ZFHX3: variants seen among roughly 807,000 people sequenced by gnomAD.
The protein encoded by ZFHX3 is zinc finger homeobox protein 3.
In ZFHX3, 42 loss-of-function variants were observed where a neutral mutation model predicts 279.1. That is an observed-to-expected ratio of 0.15 (90% confidence interval 0.12 to 0.19). The LOEUF is 0.19. ZFHX3 is among the 10% of genes least tolerant of loss of function. The pLI, the probability that ZFHX3 is intolerant of heterozygous loss-of-function variation, is 1.00. For missense variants in ZFHX3, 4,981 were observed against 4,754.0 expected (o/e 1.05, Z -1.40); for synonymous variants, 2,293 against 1,957.8 (o/e 1.17, Z -4.52).
At chr16:73,339,414 G>A (rs1403886482) in intron 3 of ZFHX3, among the ~76,000 whole-genome samples, 1 of 152,192 alleles carries the variant, frequency 6.6e-6, no homozygotes, top group Non-Finnish European at 1.5e-5. Context: ...GCTCTACACA[G>A]AGGAGCTGCT....
chr16:73,874,769 ATAT>A, intron 1 of ZFHX3, among the ~76,000 whole-genome samples: 1 of 152,228 alleles, frequency 6.6e-6, no homozygotes, highest in East Asian at 1.9e-4. Flanking sequence ...AAAAATTCAC[ATAT>A]TATCCTGCCT....
intron 8 of ZFHX3, among the ~76,000 whole-genome samples, chr16:73,086,582 T>C (rs1230604447): frequency 6.6e-6 from 1 of 152,170 alleles, no homozygotes; most frequent in Non-Finnish European, 1.5e-5. Context: ...AAATGGACTA[T>C]CGTTAGCAAT....
chr16:73,699,236 G>A (rs1229301503), intron 1 of ZFHX3, among the ~76,000 whole-genome samples: 1 of 152,124 alleles, frequency 6.6e-6, no homozygotes, highest in Admixed American at 6.6e-5. Context: ...GATATCGAGA[G>A]GAAGCTGATA....
chr16:73,241,475 T>C (rs944590016), intron 5 of ZFHX3, among the ~76,000 whole-genome samples: 49 of 151,892 alleles, frequency 3.2e-4, no homozygotes, highest in African/African-American at 1.2e-3. Context: ...TGTAGTGAGA[T>C]TCAGAAACTA....
At chr16:73,835,767 G>A (rs188333650) in intron 1 of ZFHX3, among the ~76,000 whole-genome samples, 183 of 151,884 alleles carry the variant, frequency 1.2e-3, no homozygotes, top group Non-Finnish European at 2.0e-3. Flanking sequence ...CACCACGCCC[G>A]GCCTCCACTT....
At chr16:73,387,323 C>T (rs1012730588) in intron 3 of ZFHX3, 7 of 152,010 alleles carry the variant, frequency 4.6e-5, no homozygotes, top group African/African-American at 1.5e-4. Context: ...AATCCCACAA[C>T]TTCATGACAA....
chr16:73,425,204 T>C (rs986180632), intron 3 of ZFHX3, among the ~76,000 whole-genome samples: 32 of 152,196 alleles, frequency 2.1e-4, no homozygotes, highest in Non-Finnish European at 2.6e-4. Context: ...TGGGGAAGTA[T>C]ATTCCTGGCA....
At chr16:73,753,791 T>G (rs1456489056) in intron 1 of ZFHX3, among the ~76,000 whole-genome samples, 1 of 152,200 alleles carries the variant, frequency 6.6e-6, no homozygotes, top group Non-Finnish European at 1.5e-5. Context: ...AGGTGTTTTT[T>G]TTTTAAGAGA....
At chr16:72,874,190 A>ATT (rs1365293810) in intron 4 of ZFHX3, among the ~76,000 whole-genome samples, 1 of 102,302 alleles carries the variant, frequency 9.8e-6, no homozygotes, top group Non-Finnish European at 1.8e-5. Context: ...CAGATGGAGG[A>ATT]TTTTTTGATT....
At chr16:73,036,845 C>G (rs1282993475) in intron 1 of ZFHX3, among the ~76,000 whole-genome samples, 1 of 152,144 alleles carries the variant, frequency 6.6e-6, no homozygotes, top group African/African-American at 2.4e-5. Context: ...ATTGTTAAAG[C>G]AGATGGCCGT....
chr16:72,887,060 C>G (rs528415146), intron 4 of ZFHX3, among the ~76,000 whole-genome samples: 5 of 152,240 alleles, frequency 3.3e-5, no homozygotes, highest in African/African-American at 4.8e-5. Context: ...TTTCTACTGA[C>G]TGTCGAAACC....
chr16:72,883,718 A>G (rs914742260), intron 4 of ZFHX3, among the ~76,000 whole-genome samples: 2 of 152,208 alleles, frequency 1.3e-5, no homozygotes, highest in African/African-American at 4.8e-5. Context: ...ACAGTCCTTC[A>G]TCAGGGAATG....
chr16:73,026,774 T>C (rs1477356014), intron 1 of ZFHX3, among the ~76,000 whole-genome samples: 2 of 151,804 alleles, frequency 1.3e-5, no homozygotes, highest in East Asian at 3.9e-4. Flanking sequence ...TTCTCATCCA[T>C]TTTTATTTGA....
chr16:73,566,430 G>A (rs565179668), intron 2 of ZFHX3, among the ~76,000 whole-genome samples: 2 of 152,306 alleles, frequency 1.3e-5, no homozygotes, highest in Non-Finnish European at 2.9e-5. Flanking sequence ...GGTATCAACC[G>A]GGCTGATTCC....
intron 2 of ZFHX3, among the ~76,000 whole-genome samples, chr16:73,646,662 A>G (rs543163964): frequency 6.6e-6 from 1 of 152,364 alleles, no homozygotes; most frequent in East Asian, 1.9e-4. Context: ...CTTACAAGGT[A>G]CTTGAAAGAA....
intron 2 of ZFHX3, among the ~76,000 whole-genome samples, chr16:73,538,993 C>T (rs925333192): frequency 1.3e-5 from 2 of 152,074 alleles, no homozygotes; most frequent in African/African-American, 2.4e-5. Context: ...GCAGGAGGTA[C>T]GTGCGATGTG....
At chr16:73,385,909 T>C (rs1845263308) in intron 3 of ZFHX3, among the ~76,000 whole-genome samples, 1 of 151,968 alleles carries the variant, frequency 6.6e-6, no homozygotes, top group Non-Finnish European at 1.5e-5. Flanking sequence ...CTGTGCCTTG[T>C]GGTCAGGTGG....
chr16:73,150,860 A>T (rs915736646), intron 5 of ZFHX3, among the ~76,000 whole-genome samples: 2 of 152,200 alleles, frequency 1.3e-5, no homozygotes, highest in East Asian at 3.9e-4. Flanking sequence ...TTTCTTTGTA[A>T]ATTCAGTAGA....
intron 1 of ZFHX3, among the ~76,000 whole-genome samples, chr16:73,709,748 T>C (rs968204019): frequency 3.9e-5 from 6 of 152,042 alleles, no homozygotes; most frequent in African/African-American, 1.4e-4. Context: ...TCCTACAAAA[T>C]TGCCAAAAGA....
Sources: gnomAD v4.1 joint callset for allele counts (sites outside exome capture counted in the v4.1 genomes callset) on GRCh38, gnomAD v4.1.1 for gene constraint, MANE v1.5 for transcripts, NCBI Gene and HGNC (gene_info 2026-07-23, HGNC 2026-07-21) for gene names.